The following ADCY7 variants were observed in gnomAD, a reference collection of about 807,000 sequenced individuals.
ADCY7 encodes adenylate cyclase type 7.
Under a neutral mutation model 120.6 loss-of-function variants are expected in ADCY7, and 72 were observed. The ratio of observed to expected loss-of-function variants is 0.60; its 90% CI spans 0.49 to 0.73. The LOEUF (loss-of-function observed/expected upper bound fraction) is 0.73, where lower values mean the gene tolerates loss of function less well. Among genes scored for constraint, ADCY7 ranks in the 30% least tolerant of loss-of-function variants. ADCY7 has a pLI of 0.00. For missense variants in ADCY7, 1,227 were observed against 1,486.0 expected, an observed-to-expected ratio of 0.83 and a Z score of 2.87; for synonymous variants, 661 against 628.0, an observed-to-expected ratio of 1.05 and a Z score of -0.78.
intron 25 of ADCY7, 68 bp from the exon 26 acceptor site, chr16:50,315,291 C>CT: frequency 6.3e-7 from 1 of 1,577,512 alleles, no homozygotes; most frequent in Non-Finnish European, 8.6e-7. Context: ...TGGGCAGTCT[C>CT]TATCTGTCCC....
At position 50,310,670 on chromosome 16, in the gene ADCY7, A is replaced by G. The variant is rs769311123; in HGVS notation, c.2161-17A>G. Reference sequence around the variant, plus strand: ...TGGTGGGGTGGCCCTGTCCTGAGTGACACCCTGCCCCCTCAGTACTACACC... The same window carrying G: ...TGGTGGGGTGGCCCTGTCCTGAGTGGCACCCTGCCCCCTCAGTACTACACC... On this transcript the variant is annotated splice_polypyrimidine_tract_variant and intron_variant, in intron 18 of 25. Coordinates refer to ENST00000673801, the MANE Select transcript of ADCY7 (RefSeq NM_001114.5). The G allele has an allele frequency of 1.2e-6, 2 of 1,612,008 alleles. No homozygotes were observed. Among genetic ancestry groups the G allele is most frequent in the Non-Finnish European group, 1.7e-6 (2 of 1,178,770 alleles).
Position 50,290,484 on chromosome 16 carries a change from G to A in ADCY7, c.199G>A (p.Gly67Ser). ...GDPSRHQAIL[G>S]MAFLVLAVFA... Reference sequence around the variant, plus strand: ...CCCCTCCAGACACCAGGCCATTCTGGGCATGGCGTTCCTGGTGCTGGCGGT... The same window carrying A: ...CCCCTCCAGACACCAGGCCATTCTGAGCATGGCGTTCCTGGTGCTGGCGGT... The change falls in exon 3 of 26, where the codon GGC (glycine) becomes AGC (serine). Residue 67 changes from glycine to serine, a missense_variant. By Grantham distance (56) the Gly-to-Ser change is moderately conservative. Around this residue, in one of 5 missense-constraint regions of ADCY7, gnomAD observed 382 missense variants for 411.4 expected, o/e 0.93. Transcript: ENST00000673801. The A allele has an allele frequency of 6.2e-7, 1 of 1,614,198 alleles. No individual in the cohort carries two copies. The highest frequency in any genetic ancestry group is 8.5e-7 in the Non-Finnish European group (1 of 1,180,038).
In ADCY7 at chr16:50,288,011, T is replaced by A. The variant is rs2034689268; in HGVS notation, c.-169T>A. The A allele has an allele frequency of 2.8e-6, 2 of 705,414 alleles. No homozygotes were observed. Among genetic ancestry groups the A allele is most frequent in the South Asian group, 4.2e-5 (2 of 48,008 alleles). 43.7% of individuals were successfully genotyped at this position (705,414 alleles called of 1,614,324 possible). A position where few individuals can be genotyped will look rare whatever the true frequency, so the allele number is the denominator to read the frequency against. ...TGGTGCCAGAGCTGTGCGGACCCCT[T>A]GTTGGCCATGGAGCAGCAGGCCCAG... On this transcript the variant is annotated 5_prime_UTR_variant, in exon 2 of 26. Coordinates refer to ENST00000673801, the MANE Select transcript of ADCY7 (RefSeq NM_001114.5).
rs774394102 is a variant in ADCY7 at position 50,311,774 on chromosome 16, A to T, written c.2436A>T (p.Thr812=). 45 of 1,485,974 alleles carry T rather than the reference A, an allele frequency of 3.0e-5. No homozygotes were observed. In the South Asian group the frequency reaches 3.3e-4, roughly 11 times the overall value. 92.0% of individuals were successfully genotyped at this position (1,485,974 alleles called of 1,614,324 possible). ...TCCTGTTCTACATCACCCTGCTTAC[A>T]CTCTCCAGACAGGTAAGGAGGCTGG... The part of the protein sequence containing the change: ...YLVLFYITLL[T]LSRQIDYYCR... The change falls in exon 20 of 26, where the codon ACA becomes ACT. Residue 812 remains threonine (T), a synonymous_variant. Coordinates refer to ENST00000673801, the MANE Select transcript of ADCY7 (RefSeq NM_001114.5).
At chr16:50,287,513 C>T (rs574229500) in intron 1 of ADCY7, among the ~76,000 whole-genome samples, 37 of 151,584 alleles carry the variant, frequency 2.4e-4, no homozygotes, top group African/African-American at 5.3e-4. Flanking sequence ...CAGGGGGAGA[C>T]GCCCATCTCT....
In ADCY7 at chr16:50,294,689, T is replaced by C; in HGVS notation, c.886T>C (p.Ser296Pro). ...VGFTQLASDC[S>P]PKELVVVLNE... Reference sequence around the variant, plus strand: ...CTTCACGCAGCTGGCCAGCGACTGTTCTCCCAAGGAGCTGGTGGTGGTGCT... The same window carrying C: ...CTTCACGCAGCTGGCCAGCGACTGTCCTCCCAAGGAGCTGGTGGTGGTGCT... Residue 296 changes from serine (S) to proline (P), a missense_variant, in exon 7 of 26, where the codon TCT becomes CCT. Ser to Pro is a moderately conservative substitution (Grantham distance 74). Around this residue, in one of 5 missense-constraint regions of ADCY7, gnomAD observed 382 missense variants for 411.4 expected, o/e 0.93. Coordinates refer to ENST00000673801, the MANE Select transcript of ADCY7 (RefSeq NM_001114.5). 1 of 1,613,788 alleles carries C rather than the reference T, an allele frequency of 6.2e-7. No individual in the cohort carries two copies. Among genetic ancestry groups the C allele is most frequent in the Non-Finnish European group, 8.5e-7 (1 of 1,179,856 alleles).
chr16:50,305,726 G>A (rs771043397), intron 13 of ADCY7, 51 bp from the exon 14 acceptor site: 4 of 1,548,102 alleles, frequency 2.6e-6, no homozygotes, highest in South Asian at 2.2e-5. Flanking sequence ...CCTCCTGAGG[G>A]AATGGACCCC....
intron 10 of ADCY7, among the ~76,000 whole-genome samples, chr16:50,302,955 C>T (rs1256680358): frequency 6.6e-6 from 1 of 152,224 alleles, no homozygotes; most frequent in African/African-American, 2.4e-5. Context: ...GCAAGGTGGG[C>T]TCCTGTGGAC....
intron 1 of ADCY7, among the ~76,000 whole-genome samples, chr16:50,267,861 G>A (rs1022718137): frequency 2.6e-5 from 4 of 152,204 alleles, no homozygotes; most frequent in African/African-American, 9.7e-5. Context: ...AAGTGCAGGA[G>A]GCTGAGGGGG....
Position 50,311,796 on chromosome 16 carries a change from C to A in ADCY7, c.2448+10C>A. On this transcript the variant is annotated intron_variant, in intron 20 of 25. Transcript: ENST00000673801. ...TACACTCTCCAGACAGGTAAGGAGG[C>A]TGGCCCCCCCCCCCCCCCCAAGCTC... The A allele has an allele frequency of 1.2e-6, 1 of 837,166 alleles. No individual in the cohort carries two copies. The highest frequency in any genetic ancestry group is 1.7e-6 in the Non-Finnish European group (1 of 578,890). 51.9% of individuals were successfully genotyped at this position (837,166 alleles called of 1,614,324 possible).
chr16:50,305,611 C>T (rs200940686), intron 13 of ADCY7, 25 bp downstream of exon 13: 114 of 1,574,076 alleles, frequency 7.2e-5, no homozygotes, highest in Non-Finnish European at 9.6e-5. Context: ...CTCTGTCCAC[C>T]CCCCTCTCCT....
chr16:50,246,743 C>T (rs1297099923), intron 1 of ADCY7, among the ~76,000 whole-genome samples: 2 of 152,232 alleles, frequency 1.3e-5, no homozygotes, highest in Admixed American at 6.5e-5. Flanking sequence ...AGGCCCGGCC[C>T]CTGCCTCGGA....
Position 50,311,799 on chromosome 16 carries a change from G to GGC in ADCY7, c.2448+13_2448+14insGC. ...ACTCTCCAGACAGGTAAGGAGGCTG[G>GGC]CCCCCCCCCCCCCCCCAAGCTCTGC... On this transcript the variant is annotated intron_variant, in intron 20 of 25. Transcript: ENST00000673801. The GGC allele has an allele frequency of 2.2e-6, 2 of 893,476 alleles. No homozygotes were observed. Among genetic ancestry groups the GGC allele is most frequent in the Non-Finnish European group, 3.1e-6 (2 of 642,280 alleles). The allele number at this position is 893,476 out of a possible 1,614,324, so 55.3% of individuals were successfully genotyped here. A position where few individuals can be genotyped will look rare whatever the true frequency, so the allele number is the denominator to read the frequency against.
chr16:50,254,329 C>T (rs1201156124), intron 1 of ADCY7, among the ~76,000 whole-genome samples: 1 of 152,166 alleles, frequency 6.6e-6, no homozygotes, highest in African/African-American at 2.4e-5. Flanking sequence ...CCTCCAGGCA[C>T]CCTGTCACTT....
intron 1 of ADCY7, among the ~76,000 whole-genome samples, 184 bp from the exon 2 acceptor site, chr16:50,287,728 G>A (rs1410471294): frequency 1.3e-5 from 2 of 150,150 alleles, no homozygotes; most frequent in Non-Finnish European, 3.0e-5. Context: ...CTACTATCTT[G>A]GACAGTGCAG....
intron 1 of ADCY7, among the ~76,000 whole-genome samples, chr16:50,267,210 G>T (rs2033269812): frequency 6.6e-6 from 1 of 152,236 alleles, no homozygotes; most frequent in Non-Finnish European, 1.5e-5. Flanking sequence ...TCCCTGCAAT[G>T]CCTCTCCTCT....
At chr16:50,293,998 G>A (rs1424311920) in intron 6 of ADCY7, among the ~76,000 whole-genome samples, 2 of 151,440 alleles carry the variant, frequency 1.3e-5, no homozygotes, top group African/African-American at 2.4e-5. Context: ...GTGTAGATGT[G>A]GGTCCCAGGA....
intron 6 of ADCY7, among the ~76,000 whole-genome samples, chr16:50,293,828 C>G (rs2035161783): frequency 6.6e-6 from 1 of 152,220 alleles, no homozygotes; most frequent in African/African-American, 2.4e-5. Context: ...CAAGGGAGCA[C>G]AGGACCCCCA....
chr16:50,292,000 C>T (rs913677670), intron 4 of ADCY7, 103 bp downstream of exon 4: 20 of 1,328,618 alleles, frequency 1.5e-5, no homozygotes, highest in Non-Finnish European at 1.9e-5. Flanking sequence ...GCCCCGGAGC[C>T]GTGTTTGCAG....
Sources: allele counts gnomAD v4.1 joint callset (sites outside exome capture counted in the v4.1 genomes callset), GRCh38; gene constraint gnomAD v4.1.1; regional missense constraint gnomAD v4.1.1; transcripts MANE v1.5; gene names NCBI Gene and HGNC (gene_info 2026-07-23, HGNC 2026-07-21).